ARHGEF37: variants seen among roughly 807,000 people sequenced by gnomAD.
The protein encoded by ARHGEF37 is Rho guanine nucleotide exchange factor (GEF) 37.
ARHGEF37 carries 55 observed loss-of-function variants against 71.1 expected under a neutral mutation model. That is an observed-to-expected ratio of 0.77 (90% CI 0.62 to 0.97). The LOEUF (loss-of-function observed/expected upper bound fraction) is 0.97. Among genes scored for constraint, ARHGEF37 ranks in the 50% least tolerant of loss-of-function variants. The pLI is 0.00. For missense variants in ARHGEF37, 765 were observed against 836.8 expected (o/e 0.91, Z 1.06); for synonymous variants, 327 against 350.6 (o/e 0.93, Z 0.75).
At chr5:149,566,484 C>T (rs985978149) in intron 1 of ARHGEF37, among the ~76,000 whole-genome samples, 2 of 151,700 alleles carry the variant, frequency 1.3e-5, no homozygotes, top group Admixed American at 6.6e-5. Flanking sequence ...GGTGACAGAG[C>T]GAGACTGTCT....
At chr5:149,620,202 CTGTGTGAGAA>C (rs940079160) in intron 7 of ARHGEF37, 142 bp from the exon 8 acceptor site, 9 of 510,192 alleles carry the variant, frequency 1.8e-5, no homozygotes, top group Non-Finnish European at 3.1e-5. Context: ...ATCACTTAAG[CTGTGTGAGAA>C]TAGAATCAGC....
chr5:149,584,710 A>C (rs1247428279), intron 1 of ARHGEF37, among the ~76,000 whole-genome samples: 1 of 152,006 alleles, frequency 6.6e-6, no homozygotes, highest in East Asian at 1.9e-4. Context: ...CCTGGGTTCA[A>C]GTGATTCTCC....
At chr5:149,626,950 G>T in intron 10 of ARHGEF37, 126 bp from the exon 11 acceptor site, 1 of 964,182 alleles carries the variant, frequency 1.0e-6, no homozygotes, top group Non-Finnish European at 1.5e-6. Flanking sequence ...ATCAGGGTGG[G>T]CCCTTCAGTG....
Position 149,601,109 on chromosome 5 carries a change from T to C in ARHGEF37, c.188T>C (p.Leu63Ser). Reference sequence around the variant, plus strand: ...TCATGGCTTCTTTGTTCCTTCCAGTTGCCGCAGGGAGATCTGGATGTCCTG... The same window carrying C: ...TCATGGCTTCTTTGTTCCTTCCAGTCGCCGCAGGGAGATCTGGATGTCCTG... ...ASDIRSRLQQ[L>S]PQGDLDVLFS... Residue 63 changes from leucine to serine, a missense_variant and splice_region_variant, in exon 3 of 13, where the codon TTG (leucine) becomes TCG (serine). Leu to Ser is a moderately radical substitution (Grantham distance 145, BLOSUM62 -2). Coordinates refer to ENST00000333677, the MANE Select transcript of ARHGEF37 (RefSeq NM_001001669.3). 3.7e-6 allele frequency: 6 copies of C among 1,609,810 alleles called. No individual in the cohort carries two copies. Among genetic ancestry groups the C allele is most frequent in the Non-Finnish European group, 5.1e-6 (6 of 1,176,688 alleles).
At chr5:149,562,932 C>G (rs376304750) in intron 1 of ARHGEF37, among the ~76,000 whole-genome samples, 1 of 152,192 alleles carries the variant, frequency 6.6e-6, no homozygotes. Flanking sequence ...TCCCCCTCCC[C>G]CCTTGGCTCA....
rs369683549 is a variant in ARHGEF37, at chr5:149,628,775, C to T, written c.1661-34C>T. On this transcript the variant is annotated intron_variant, in intron 11 of 12. Coordinates refer to ENST00000333677, the MANE Select transcript of ARHGEF37 (RefSeq NM_001001669.3). ...CTCATTAAAAGGGACGGGAAGGTGGCCCGCAGCCTGCTAACCTTCTGCATG... is the reference window on the plus strand; with the variant it reads ...CTCATTAAAAGGGACGGGAAGGTGGTCCGCAGCCTGCTAACCTTCTGCATG... 1.0e-4 allele frequency: 162 copies of T among 1,587,570 alleles called. No homozygotes were observed. The African/African-American group carries it at 1.9e-3, about 18-fold the overall frequency.
At chr5:149,598,094 T>C in intron 2 of ARHGEF37, 139 bp downstream of exon 2, 1 of 1,025,612 alleles carries the variant, frequency 9.8e-7, no homozygotes, top group Non-Finnish European at 1.4e-6. Flanking sequence ...GACCTGGATG[T>C]AAGCCCCAGT....
At chr5:149,552,663 C>T (rs879679178) in intron 1 of ARHGEF37, among the ~76,000 whole-genome samples, 1 of 152,014 alleles carries the variant, frequency 6.6e-6, no homozygotes, top group Admixed American at 6.6e-5. Context: ...CATGATGAAA[C>T]CCCGTATCTA....
intron 1 of ARHGEF37, among the ~76,000 whole-genome samples, chr5:149,568,935 T>C (rs1245034986): frequency 6.6e-6 from 1 of 152,008 alleles, no homozygotes; most frequent in Non-Finnish European, 1.5e-5. Context: ...TTTTTTATCA[T>C]AGATTTGTTT....
intron 7 of ARHGEF37, among the ~76,000 whole-genome samples, chr5:149,619,264 A>G (rs1017918926): frequency 4.6e-5 from 7 of 152,190 alleles, no homozygotes; most frequent in African/African-American, 1.7e-4. Context: ...CCTACCACAT[A>G]GGGCCAAAAT....
chr5:149,614,448 A>G (rs751324615), intron 4 of ARHGEF37, among the ~76,000 whole-genome samples: 1 of 152,048 alleles, frequency 6.6e-6, no homozygotes, highest in Non-Finnish European at 1.5e-5. Context: ...TATTGTCCAA[A>G]TTACCTTAGA....
intron 1 of ARHGEF37, among the ~76,000 whole-genome samples, chr5:149,589,747 G>A (rs528819667): frequency 5.3e-4 from 80 of 151,850 alleles, no homozygotes; most frequent in Non-Finnish European, 8.1e-4. Context: ...TGATCCTCCC[G>A]ACCTAAGGTG....
At chr5:149,613,580 C>T (rs113688594) in intron 4 of ARHGEF37, among the ~76,000 whole-genome samples, 2 of 152,038 alleles carry the variant, frequency 1.3e-5, no homozygotes, top group Non-Finnish European at 2.9e-5. Context: ...TTCTTGACCT[C>T]GTGATCTGCC....
At chr5:149,613,881 A>T (rs1752290367) in intron 4 of ARHGEF37, among the ~76,000 whole-genome samples, 1 of 151,018 alleles carries the variant, frequency 6.6e-6, no homozygotes. Flanking sequence ...CTCCTACCTC[A>T]GCCTCCTGAG....
intron 1 of ARHGEF37, among the ~76,000 whole-genome samples, chr5:149,554,348 T>C (rs937383737): frequency 1.3e-5 from 2 of 152,292 alleles, no homozygotes; most frequent in South Asian, 2.1e-4. Flanking sequence ...AATGAATGAA[T>C]GAATGAATGA....
chr5:149,574,149 C>T (rs759681735), intron 1 of ARHGEF37, among the ~76,000 whole-genome samples: 4 of 152,282 alleles, frequency 2.6e-5, no homozygotes, highest in African/African-American at 7.2e-5. Context: ...AGTGACAAGA[C>T]CTTGAGACTG....
intron 2 of ARHGEF37, among the ~76,000 whole-genome samples, chr5:149,599,273 G>A (rs926452183): frequency 2.0e-5 from 3 of 152,092 alleles, no homozygotes; most frequent in Non-Finnish European, 4.4e-5. Context: ...CCAGGCCCCC[G>A]AAGACAGGTG....
At chr5:149,571,237 C>T (rs971984285) in intron 1 of ARHGEF37, among the ~76,000 whole-genome samples, 9 of 151,818 alleles carry the variant, frequency 5.9e-5, no homozygotes, top group African/African-American at 1.2e-4. Flanking sequence ...CCACCGCGTC[C>T]GGCCAAGTTT....
chr5:149,595,216 C>G (rs193028411), intron 1 of ARHGEF37, among the ~76,000 whole-genome samples: 1 of 152,280 alleles, frequency 6.6e-6, no homozygotes, highest in East Asian at 1.9e-4. Flanking sequence ...CGCTCTGTCA[C>G]CCAAGCTAGA....
Sources: allele counts gnomAD v4.1 joint callset (sites outside exome capture counted in the v4.1 genomes callset), GRCh38; gene constraint gnomAD v4.1.1; transcripts MANE v1.5; gene names NCBI Gene and HGNC (gene_info 2026-07-23, HGNC 2026-07-21).